The following GPC5 variants were observed in gnomAD, a reference collection of about 807,000 sequenced individuals.
GPC5 encodes the protein glypican 5.
Under a neutral mutation model 53.9 loss-of-function variants are expected in GPC5, and 47 were observed. The ratio of observed to expected loss-of-function variants is 0.87; its 90% CI spans 0.69 to 1.11. The LOEUF is 1.11. GPC5 is among the 50% of genes most tolerant of loss of function. The pLI, the probability that GPC5 is intolerant of heterozygous loss-of-function variation, is 0.00. For synonymous variants in GPC5, 286 were observed against 263.3 expected, an observed-to-expected ratio of 1.09 and a Z score of -0.84; for missense variants, 748 against 713.1, an observed-to-expected ratio of 1.05 and a Z score of -0.56.
chr13:92,321,629 ATAC>A (rs2043216596), intron 7 of GPC5, among the ~76,000 whole-genome samples: 1 of 152,056 alleles, frequency 6.6e-6, no homozygotes, highest in Non-Finnish European at 1.5e-5. Flanking sequence ...ACATACATAC[ATAC>A]ATACATACAT....
intron 2 of GPC5, among the ~76,000 whole-genome samples, chr13:91,493,879 A>AT (rs200276764): frequency 2.3e-4 from 35 of 150,334 alleles, no homozygotes; most frequent in Admixed American, 1.5e-3. Context: ...GCTGCATTCT[A>AT]TTTTTTTTTA....
chr13:92,142,066 A>C (rs28681239), intron 6 of GPC5, among the ~76,000 whole-genome samples: 2 of 152,152 alleles, frequency 1.3e-5, no homozygotes, highest in South Asian at 2.1e-4. Context: ...GGACAGTGGG[A>C]GGGATAGCAT....
At position 92,163,460 on chromosome 13, in the gene GPC5, C is replaced by CAA. The variant is rs35480023; in HGVS notation, c.1561+18488_1561+18489dup. Among the ~76,000 whole-genome samples, 55 of 90,328 alleles carry CAA rather than the reference C, an allele frequency of 6.1e-4. 1 individual carries two copies. Among genetic ancestry groups the CAA allele is most frequent in the African/African-American group, 1.8e-3 (48 of 26,840 alleles). The allele number at this position is 90,328 out of a possible 152,430, so 59.3% of individuals were successfully genotyped here. On this transcript the variant is annotated intron_variant, in intron 7 of 7. Transcript: ENST00000377067. ...TGAGTAACACAGTGAGATTCCATCT[C>CAA]AAAAAAAAAAAAAAAAAAGATGGAA... is the stretch of plus-strand genomic sequence containing the variant.
chr13:91,838,138 A>C (rs1324208068), intron 5 of GPC5, among the ~76,000 whole-genome samples: 1 of 152,134 alleles, frequency 6.6e-6, no homozygotes, highest in East Asian at 1.9e-4. Flanking sequence ...CAAAAGAAAA[A>C]CATTTCAGTG....
chr13:92,145,541 A>G (rs2041861045), intron 7 of GPC5, among the ~76,000 whole-genome samples: 1 of 152,000 alleles, frequency 6.6e-6, no homozygotes, highest in Admixed American at 6.6e-5. Context: ...CCATTTCAGA[A>G]CTCATCGCTA....
At chr13:91,545,990 G>T (rs949594823) in intron 2 of GPC5, among the ~76,000 whole-genome samples, 39 of 151,912 alleles carry the variant, frequency 2.6e-4, no homozygotes, top group African/African-American at 8.9e-4. Context: ...TAATATCACT[G>T]TGGATTATCA....
intron 6 of GPC5, among the ~76,000 whole-genome samples, chr13:92,026,453 C>CTTT (rs1263154168): frequency 2.1e-5 from 3 of 140,636 alleles, no homozygotes; most frequent in African/African-American, 7.8e-5. Context: ...TTTCTTTTTT[C>CTTT]TTTTTTTTTT....
At chr13:91,502,504 T>G (rs1315336973) in intron 2 of GPC5, among the ~76,000 whole-genome samples, 1 of 152,192 alleles carries the variant, frequency 6.6e-6, no homozygotes, top group East Asian at 1.9e-4. Context: ...TACCTCTTTC[T>G]TCTGCTTCCT....
At chr13:92,536,633 CA>C (rs1325016418) in intron 7 of GPC5, among the ~76,000 whole-genome samples, 2 of 151,906 alleles carry the variant, frequency 1.3e-5, no homozygotes, top group African/African-American at 4.8e-5. Flanking sequence ...TTTATAATGA[CA>C]AAAATCTGAA....
chr13:92,215,793 C>T (rs542824507), intron 7 of GPC5, among the ~76,000 whole-genome samples: 2 of 152,238 alleles, frequency 1.3e-5, no homozygotes, highest in Non-Finnish European at 2.9e-5. Flanking sequence ...GATAGTGGCA[C>T]CACGTAAGAA....
intron 7 of GPC5, among the ~76,000 whole-genome samples, chr13:92,646,665 CTTTA>C (rs2139158826): frequency 6.6e-6 from 1 of 151,816 alleles, no homozygotes; most frequent in South Asian, 2.1e-4. Context: ...CCCTCCATTG[CTTTA>C]TTTGCTTTAT....
At chr13:92,685,709 C>A (rs1293487280) in intron 7 of GPC5, among the ~76,000 whole-genome samples, 1 of 95,270 alleles carries the variant, frequency 1.0e-5, no homozygotes, top group Non-Finnish European at 2.0e-5. Flanking sequence ...CTATCCCTCC[C>A]CCCTCCCCCG....
intron 7 of GPC5, among the ~76,000 whole-genome samples, chr13:92,380,359 C>T (rs962229548): frequency 2.6e-5 from 4 of 152,154 alleles, no homozygotes; most frequent in East Asian, 1.9e-4. Context: ...CTCCTCATAG[C>T]TCTGCTCATG....
chr13:92,208,965 A>T (rs535691932), intron 7 of GPC5, among the ~76,000 whole-genome samples: 1 of 152,294 alleles, frequency 6.6e-6, no homozygotes, highest in African/African-American at 2.4e-5. Flanking sequence ...ATCATAAAAT[A>T]TAGCTTAGAG....
intron 6 of GPC5, among the ~76,000 whole-genome samples, chr13:91,980,505 C>T (rs1184413257): frequency 6.6e-6 from 1 of 152,110 alleles, no homozygotes; most frequent in Non-Finnish European, 1.5e-5. Flanking sequence ...CCAGTCAATA[C>T]TTCCCATAAA....
chr13:92,839,750 C>T (rs942441272), intron 7 of GPC5, among the ~76,000 whole-genome samples: 3 of 151,960 alleles, frequency 2.0e-5, no homozygotes, highest in Admixed American at 2.0e-4. Context: ...GCTAGCTAGA[C>T]TAATGAAGAA....
At chr13:91,509,710 C>T (rs1159601347) in intron 2 of GPC5, among the ~76,000 whole-genome samples, 1 of 151,994 alleles carries the variant, frequency 6.6e-6, no homozygotes, top group African/African-American at 2.4e-5. Context: ...ATTTTAGTCA[C>T]ATGGGAATAC....
At chr13:92,582,763 G>A (rs1883411136) in intron 7 of GPC5, among the ~76,000 whole-genome samples, 1 of 151,924 alleles carries the variant, frequency 6.6e-6, no homozygotes, top group African/African-American at 2.4e-5. Context: ...TGTTGTAAGT[G>A]GGGTTGTGGT....
intron 7 of GPC5, among the ~76,000 whole-genome samples, chr13:92,609,829 G>C (rs1243318622): frequency 6.6e-6 from 1 of 151,928 alleles, no homozygotes; most frequent in Admixed American, 6.6e-5. Context: ...TCAGGAGTTC[G>C]AGATCAGTCT....
Sources: allele counts gnomAD v4.1 joint callset (sites outside exome capture counted in the v4.1 genomes callset), GRCh38; gene constraint gnomAD v4.1.1; transcripts MANE v1.5; gene names NCBI Gene and HGNC (gene_info 2026-07-23, HGNC 2026-07-21).